PRLR: variants seen among roughly 807,000 people sequenced by gnomAD.
The protein encoded by PRLR is hPRL receptor.
A neutral mutation model predicts 40.2 loss-of-function variants in PRLR; 13 were observed. That is an observed-to-expected ratio of 0.32 (90% confidence interval 0.21 to 0.51). The LOEUF is 0.51. Ranked by LOEUF, PRLR falls within the 20% of genes least tolerant of loss-of-function variation. The pLI is 0.97. For synonymous variants in PRLR, 269 were observed against 278.7 expected (o/e 0.97, Z 0.35); for missense variants, 656 against 747.3 (o/e 0.88, Z 1.42).
intron 1 of PRLR, among the ~76,000 whole-genome samples, chr5:35,220,291 G>C (rs950509807): frequency 6.6e-6 from 1 of 152,224 alleles, no homozygotes; most frequent in African/African-American, 2.4e-5. Context: ...CTCGGGTCCA[G>C]CCACAATGGT....
downstream of PRLR, chr5:35,055,685 A>G (rs1189852834): frequency 1.3e-5 from 2 of 152,204 alleles, no homozygotes; most frequent in East Asian, 3.8e-4. Context: ...ACATATATAA[A>G]GACCCTCCAA....
Position 35,118,008 on chromosome 5 carries a change from A to G in PRLR, c.-44+53T>C, listed in dbSNP as rs113218076. 6 of 900,556 alleles carry G rather than the reference A, an allele frequency of 6.7e-6. No homozygotes were observed. The African/African-American group carries it at 7.2e-5, about 11-fold the overall frequency. 55.8% of individuals were successfully genotyped at this position (900,556 alleles called of 1,614,324 possible). The stretch of plus-strand genomic sequence containing the variant: ...AGCCCCTGCCCTGGATGAAACGGAC[A>G]GTGGGGCAGATGGGTGGTGTGACCG... On this transcript the variant is annotated intron_variant, in intron 2 of 9. Transcript: ENST00000618457.
At chr5:35,191,798 C>G (rs779055543) in intron 1 of PRLR, among the ~76,000 whole-genome samples, 13 of 152,222 alleles carry the variant, frequency 8.5e-5, no homozygotes, top group Non-Finnish European at 1.2e-4. Context: ...CTCTGCCCCC[C>G]ACCACGGGTC....
intron 1 of PRLR, among the ~76,000 whole-genome samples, chr5:35,207,135 C>T (rs759177575): frequency 7.2e-5 from 11 of 152,040 alleles, no homozygotes; most frequent in East Asian, 1.9e-4. Context: ...TAAGACAGGA[C>T]GCTCACTATT....
rs115139851 is a variant in PRLR at position 35,074,864 on chromosome 5, C to T, written c.374-2120G>A. On this transcript the variant is annotated intron_variant, in intron 5 of 9. Coordinates refer to ENST00000618457, the MANE Select transcript of PRLR (RefSeq NM_000949.7). ...CTGTAGGTACAGGCCTTGTGAGTAC[C>T]TTCCTAAGACTTAGGTGCTGGGGTG... is the stretch of plus-strand genomic sequence containing the variant. Among the ~76,000 whole-genome samples, 324 of 152,086 alleles carry T rather than the reference C, an allele frequency of 2.1e-3. 2 individuals are homozygous for T. The highest frequency in any genetic ancestry group is 6.8e-3 in the Middle Eastern group (2 of 294).
rs764694626 is a variant in PRLR, at chr5:35,065,824, C to A, written c.1134G>T (p.Glu378Asp). 6 of 1,614,138 alleles carry A rather than the reference C, an allele frequency of 3.7e-6. No individual in the cohort carries two copies. In the East Asian group the frequency reaches 1.3e-4, roughly 36 times the overall value. ...QANPSTFYDP[E>D]VIEKPENPET... ...CAGGATTCTCTGGCTTCTCAATGACCTCAGGATCATAGAATGTGGAGGGAT... is the reference window on the plus strand; with the variant it reads ...CAGGATTCTCTGGCTTCTCAATGACATCAGGATCATAGAATGTGGAGGGAT... Residue 378 changes from glutamate (E) to aspartate (D), a missense_variant, in exon 10 of 10, where the codon GAG (glutamate) becomes GAT (aspartate). Physicochemically the swap from Glu to Asp is conservative, Grantham distance 45. Around this residue, in one of 3 missense-constraint regions of PRLR, gnomAD observed 469 missense variants for 491.5 expected, o/e 0.95. Coordinates refer to ENST00000618457, the MANE Select transcript of PRLR (RefSeq NM_000949.7).
intron 1 of PRLR, among the ~76,000 whole-genome samples, chr5:35,124,873 T>G (rs182001475): frequency 6.6e-6 from 1 of 152,178 alleles, no homozygotes; most frequent in Admixed American, 6.5e-5. Context: ...TTATCAGAAG[T>G]GTATCAGTCA....
chr5:35,121,972 C>T (rs538793919), intron 1 of PRLR, among the ~76,000 whole-genome samples: 38 of 152,258 alleles, frequency 2.5e-4, no homozygotes, highest in African/African-American at 8.9e-4. Flanking sequence ...CAAGTCCATG[C>T]TCTGAAGAAA....
At chr5:35,072,921 T>C (rs965912167) in intron 5 of PRLR, among the ~76,000 whole-genome samples, 177 bp from the exon 6 acceptor site, 1 of 152,246 alleles carries the variant, frequency 6.6e-6, no homozygotes, top group Non-Finnish European at 1.5e-5. Flanking sequence ...ACCAATCATA[T>C]TTGTGCATAC....
At chr5:35,121,759 A>G (rs925105488) in intron 1 of PRLR, among the ~76,000 whole-genome samples, 24 of 152,230 alleles carry the variant, frequency 1.6e-4, no homozygotes, top group African/African-American at 5.8e-4. Flanking sequence ...GAGAAGACTC[A>G]TAGCTAAGAA....
chr5:35,095,544 G>A (rs1280814828), intron 2 of PRLR, among the ~76,000 whole-genome samples: 1 of 152,198 alleles, frequency 6.6e-6, no homozygotes, highest in Admixed American at 6.5e-5. Context: ...CAGGTGGGGA[G>A]ATGAAAGTTC....
At chr5:35,192,546 G>A (rs1469112537) in intron 1 of PRLR, among the ~76,000 whole-genome samples, 2 of 152,224 alleles carry the variant, frequency 1.3e-5, no homozygotes, top group East Asian at 3.8e-4. Flanking sequence ...GAGGATTTGG[G>A]AGGTGTGAGA....
Position 35,056,021 on chromosome 5 carries a change from A to G in PRLR, c.*9068T>C, listed in dbSNP as rs1363103774. On this transcript the variant is annotated 3_prime_UTR_variant, in exon 10 of 10. Coordinates refer to ENST00000618457, the MANE Select transcript of PRLR (RefSeq NM_000949.7). Reference sequence around the variant, plus strand: ...CTTACACCAGTATTCACCAATCAACATCCATGCGGTGTTTTATTTGACCCA... The same window carrying G: ...CTTACACCAGTATTCACCAATCAACGTCCATGCGGTGTTTTATTTGACCCA... 5.3e-5 allele frequency: 8 copies of G among 152,314 alleles called. No homozygotes were observed. Among genetic ancestry groups the G allele is most frequent in the Middle Eastern group, 3.4e-3 (1 of 294 alleles). The allele number at this position is 152,314 out of a possible 1,614,324, so 9.4% of individuals were successfully genotyped here.
At chr5:35,207,462 A>G (rs72734584) in intron 1 of PRLR, among the ~76,000 whole-genome samples, 14,654 of 152,220 alleles carry the variant, frequency 0.096, 916 homozygotes, top group Non-Finnish European at 0.13. Context: ...TGCAGGACCT[A>G]TATGAGTAAG....
chr5:35,082,960 A>T (rs1770610687), intron 5 of PRLR, among the ~76,000 whole-genome samples: 1 of 152,060 alleles, frequency 6.6e-6, no homozygotes, highest in Non-Finnish European at 1.5e-5. Flanking sequence ...TTCTTTAGTG[A>T]GTCCCTTTTT....
chr5:35,153,248 C>G (rs1774389517), intron 1 of PRLR, among the ~76,000 whole-genome samples: 1 of 152,208 alleles, frequency 6.6e-6, no homozygotes, highest in Admixed American at 6.5e-5. Flanking sequence ...ATTACAAAAT[C>G]TAGCAGTTAA....
chr5:35,189,112 C>T (rs1227656408), intron 1 of PRLR, among the ~76,000 whole-genome samples: 1 of 152,084 alleles, frequency 6.6e-6, no homozygotes, highest in African/African-American at 2.4e-5. Flanking sequence ...CAGCACCACA[C>T]AACGATGAAA....
chr5:35,181,143 G>C (rs1029398356), intron 1 of PRLR, among the ~76,000 whole-genome samples: 7 of 152,142 alleles, frequency 4.6e-5, no homozygotes, highest in African/African-American at 1.7e-4. Context: ...ATAGCTTCCT[G>C]GTATGTATAG....
At chr5:35,097,533 A>G (rs1412259838) in intron 2 of PRLR, among the ~76,000 whole-genome samples, 1 of 152,140 alleles carries the variant, frequency 6.6e-6, no homozygotes, top group Non-Finnish European at 1.5e-5. Flanking sequence ...GCTAACTATC[A>G]CACTTTCAAA....
Sources: gnomAD v4.1 joint callset for allele counts (sites outside exome capture counted in the v4.1 genomes callset) on GRCh38, gnomAD v4.1.1 for gene constraint, gnomAD v4.1.1 regional missense constraint, MANE v1.5 for transcripts, NCBI Gene and HGNC (gene_info 2026-07-23, HGNC 2026-07-21) for gene names.